The following GPAT3 variants were observed in gnomAD, a reference collection of about 807,000 sequenced individuals.
GPAT3 encodes the protein 1-AGP acyltransferase 9.
A neutral mutation model predicts 58.8 loss-of-function variants in GPAT3; 53 were observed. The observed-to-expected ratio is 0.90, with a 90% confidence interval of 0.72 to 1.13. The LOEUF is 1.13. GPAT3 is among the 50% of genes most tolerant of loss of function. The pLI is 0.00. For synonymous variants in GPAT3, 197 were observed against 187.4 expected (o/e 1.05, Z -0.42); for missense variants, 511 against 527.6 (o/e 0.97, Z 0.31).
At chr4:83,585,370 A>G (rs1392739606) in intron 3 of GPAT3, among the ~76,000 whole-genome samples, 1 of 150,136 alleles carries the variant, frequency 6.7e-6, no homozygotes, top group Non-Finnish European at 1.5e-5. Context: ...AATATATATT[A>G]ATGTATTACT....
chr4:83,557,675 G>A (rs1382057920), intron 2 of GPAT3, among the ~76,000 whole-genome samples: 1 of 152,198 alleles, frequency 6.6e-6, no homozygotes, highest in African/African-American at 2.4e-5. Context: ...AGCTACTCAT[G>A]TCTCATTGTT....
chr4:83,565,912 C>CGA (rs1725364177), intron 2 of GPAT3, among the ~76,000 whole-genome samples: 2 of 152,174 alleles, frequency 1.3e-5, no homozygotes, highest in African/African-American at 4.8e-5. Context: ...AAGGAGAACT[C>CGA]TGTGAGTTTC....
chr4:83,591,301 G>C (rs971498350), intron 6 of GPAT3, among the ~76,000 whole-genome samples: 2 of 150,444 alleles, frequency 1.3e-5, no homozygotes, highest in Non-Finnish European at 2.9e-5. Context: ...GATTTTGAAG[G>C]CCTTTGCAAA....
chr4:83,587,873 A>C (rs986891223), intron 4 of GPAT3, among the ~76,000 whole-genome samples: 2 of 152,214 alleles, frequency 1.3e-5, no homozygotes, highest in African/African-American at 4.8e-5. Flanking sequence ...AAATGAACTG[A>C]GTTACCTAAG....
intron 2 of GPAT3, among the ~76,000 whole-genome samples, chr4:83,570,153 A>G (rs1303775545): frequency 6.6e-6 from 1 of 152,180 alleles, no homozygotes; most frequent in Admixed American, 6.5e-5. Flanking sequence ...ATGAGGAAGC[A>G]CTTGGTTTTG....
chr4:83,563,700 C>T (rs779922968), intron 2 of GPAT3, among the ~76,000 whole-genome samples: 2 of 151,774 alleles, frequency 1.3e-5, no homozygotes, highest in South Asian at 2.1e-4. Context: ...AGGCTGGTCT[C>T]GAACTCCTGA....
intron 3 of GPAT3, among the ~76,000 whole-genome samples, chr4:83,583,714 A>G (rs1726257596): frequency 7.0e-6 from 1 of 141,992 alleles, no homozygotes; most frequent in Admixed American, 7.2e-5. Flanking sequence ...TGGGCCGGGC[A>G]TAGTGACTCT....
At chr4:83,583,722 T>A (rs1726258566) in intron 3 of GPAT3, among the ~76,000 whole-genome samples, 1 of 129,614 alleles carries the variant, frequency 7.7e-6, no homozygotes, top group Admixed American at 8.5e-5. Flanking sequence ...GCATAGTGAC[T>A]CTTGCCTGTA....
chr4:83,598,534 T>G, intron 10 of GPAT3, 110 bp from the exon 11 acceptor site: 1 of 962,656 alleles, frequency 1.0e-6, no homozygotes, highest in African/African-American at 1.7e-5. Flanking sequence ...AGAAAGCATT[T>G]GAGCTGAAAT....
intron 2 of GPAT3, among the ~76,000 whole-genome samples, chr4:83,562,187 AT>A (rs1321810679): frequency 5.7e-5 from 3 of 52,902 alleles, no homozygotes; most frequent in Non-Finnish European, 9.7e-5. Flanking sequence ...TATTATATAT[AT>A]ATATATATAT....
chr4:83,598,654 A>G lies in GPAT3; in HGVS notation c.1136A>G (p.Asp379Gly). 1 of 1,590,530 alleles carries G rather than the reference A, an allele frequency of 6.3e-7. No homozygotes were observed. The highest frequency in any genetic ancestry group is 8.6e-7 in the Non-Finnish European group (1 of 1,167,470). Residue 379 changes from aspartate to glycine, a missense_variant, in exon 11 of 12, where the codon GAT becomes GGT. Coordinates refer to ENST00000264409, the MANE Select transcript of GPAT3 (RefSeq NM_032717.5). ...MPPMTREEGE[D>G]AVQFANRVKS... is the part of the protein sequence containing the mutation. ...TTTTTTTTAAACCAGGAAGGAGAAG[A>G]TGCAGTCCAGTTTGCTAACAGGGTT...
At chr4:83,598,238 A>C in intron 10 of GPAT3, 59 bp downstream of exon 10, 2 of 1,571,670 alleles carry the variant, frequency 1.3e-6, no homozygotes, top group South Asian at 2.4e-5. Flanking sequence ...TTCACCTGAA[A>C]ATCTGGGTGT....
Position 83,604,421 on chromosome 4 carries a change from G to A in GPAT3, c.1206-247G>A, listed in dbSNP as rs184526273. 2.2e-3 allele frequency among the ~76,000 whole-genome samples: 340 copies of A among 152,270 alleles called. 1 individual carries two copies. Among genetic ancestry groups the A allele is most frequent in the Non-Finnish European group, 4.0e-3 (271 of 68,018 alleles). On this transcript the variant is annotated intron_variant, in intron 11 of 11. Coordinates refer to ENST00000264409, the MANE Select transcript of GPAT3 (RefSeq NM_032717.5). ...CTTAACTTCTAAAGAAACTGAGTTG[G>A]GGATATTGTTACTTATTTTAACCAA... is the stretch of plus-strand genomic sequence containing the variant.
intron 2 of GPAT3, among the ~76,000 whole-genome samples, chr4:83,561,749 G>A (rs147968896): frequency 3.3e-5 from 5 of 151,550 alleles, no homozygotes; most frequent in African/African-American, 9.7e-5. Flanking sequence ...TAAAAAACAG[G>A]CATTTTGTAA....
chr4:83,550,310 G>T (rs1489245159), intron 2 of GPAT3, among the ~76,000 whole-genome samples: 1 of 152,152 alleles, frequency 6.6e-6, no homozygotes, highest in African/African-American at 2.4e-5. Flanking sequence ...TGGGATTACA[G>T]CCATGAGCCC....
intron 1 of GPAT3, among the ~76,000 whole-genome samples, chr4:83,537,591 A>ATGCGTG (rs1724150007): frequency 6.9e-6 from 1 of 145,174 alleles, no homozygotes; most frequent in Non-Finnish European, 1.5e-5. Context: ...TATGTATAAT[A>ATGCGTG]TGTGTGTGTG....
At chr4:83,591,892 C>T (rs1726615182) in intron 6 of GPAT3, among the ~76,000 whole-genome samples, 1 of 152,140 alleles carries the variant, frequency 6.6e-6, no homozygotes, top group South Asian at 2.1e-4. Context: ...GCTGGGAAGT[C>T]CAATATCAAG....
chr4:83,545,887 A>T (rs1055751990), intron 2 of GPAT3, among the ~76,000 whole-genome samples: 1 of 152,132 alleles, frequency 6.6e-6, no homozygotes, highest in East Asian at 1.9e-4. Flanking sequence ...CTTGAGAGAA[A>T]ATCAGTGGGC....
At chr4:83,585,474 G>A (rs530365115) in intron 3 of GPAT3, among the ~76,000 whole-genome samples, 56 of 149,616 alleles carry the variant, frequency 3.7e-4, no homozygotes, top group African/African-American at 1.2e-3. Flanking sequence ...TTTTTTTTAC[G>A]TTTCCAGATG....
Sources: gnomAD v4.1 joint callset for allele counts (sites outside exome capture counted in the v4.1 genomes callset) on GRCh38, gnomAD v4.1.1 for gene constraint, MANE v1.5 for transcripts, NCBI Gene and HGNC (gene_info 2026-07-23, HGNC 2026-07-21) for gene names.